SCN2A: variants seen among roughly 807,000 people sequenced by gnomAD.
SCN2A encodes sodium voltage-gated channel alpha subunit 2, also known as sodium channel protein type 2 subunit alpha.
SCN2A carries 20 observed loss-of-function variants against 188.7 expected under a neutral mutation model. That is an observed-to-expected ratio of 0.11 (90% CI 0.07 to 0.15). SCN2A has a LOEUF of 0.15. Ranked by LOEUF, SCN2A falls within the 10% of genes least tolerant of loss-of-function variation. The pLI is 1.00. For missense variants in SCN2A, 1,278 were observed against 2,445.0 expected (o/e 0.52, Z 10.07); for synonymous variants, 804 against 833.1 (o/e 0.97, Z 0.60).
intron 3 of SCN2A, among the ~76,000 whole-genome samples, chr2:165,303,745 C>G (rs1328198631): frequency 6.6e-6 from 1 of 152,002 alleles, no homozygotes; most frequent in Non-Finnish European, 1.5e-5. Context: ...AAAAACTTGA[C>G]CCTAGTTATC....
intron 19 of SCN2A, among the ~76,000 whole-genome samples, chr2:165,367,855 C>T (rs892635278): frequency 1.3e-5 from 2 of 152,134 alleles, no homozygotes; most frequent in Non-Finnish European, 2.9e-5. Context: ...TTGGGCACTG[C>T]AAGAGTGAAC....
chr2:165,346,115 G>A (rs1000814932), intron 16 of SCN2A, among the ~76,000 whole-genome samples: 1 of 152,088 alleles, frequency 6.6e-6, no homozygotes, highest in Non-Finnish European at 1.5e-5. Flanking sequence ...TGGGTAACCC[G>A]ACCTTTCTCT....
intron 1 of SCN2A, among the ~76,000 whole-genome samples, chr2:165,262,932 A>G (rs1694671189): frequency 6.6e-6 from 1 of 152,048 alleles, no homozygotes; most frequent in Non-Finnish European, 1.5e-5. Flanking sequence ...GATTGTATCA[A>G]TTGTTGCAGG....
intron 11 of SCN2A, among the ~76,000 whole-genome samples, chr2:165,320,632 T>A (rs750497377): frequency 4.6e-5 from 7 of 152,198 alleles, no homozygotes; most frequent in Non-Finnish European, 1.0e-4. Context: ...TTCTGTGCAC[T>A]GACAGGCTCA....
chr2:165,269,531 C>T (rs1311195683), intron 1 of SCN2A: 1 of 151,988 alleles, frequency 6.6e-6, no homozygotes, highest in East Asian at 1.9e-4. Flanking sequence ...TCCTATCCTA[C>T]ATTTTATTGT....
chr2:165,244,803 T>C lies in SCN2A; in HGVS notation c.-52+5163T>C, dbSNP rs1168555421. 2.0e-5 allele frequency among the ~76,000 whole-genome samples: 3 copies of C among 152,194 alleles called. No individual in the cohort carries two copies. In the East Asian group the frequency reaches 5.8e-4, roughly 29 times the overall value. On this transcript the variant is annotated intron_variant, in intron 1 of 26. Coordinates refer to ENST00000375437, the MANE Select transcript of SCN2A (RefSeq NM_001040142.2). ...TCTAGGATTAGTTGGGAGTATAATA[T>C]GCTTTGAACATGAACATGTCTTGGT...
rs77580177 is a variant in SCN2A at position 165,375,117 on chromosome 2, C to A, written c.4254+151C>A. The A allele has an allele frequency of 9.8e-4, 706 of 719,072 alleles. 10 individuals carry two copies. The African/African-American group carries it at 0.011, about 12-fold the overall frequency. 44.5% of individuals were successfully genotyped at this position (719,072 alleles called of 1,614,324 possible). A position where few individuals can be genotyped will look rare whatever the true frequency, so the allele number is the denominator to read the frequency against. On this transcript the variant is annotated intron_variant, in intron 22 of 26. Coordinates refer to ENST00000375437, the MANE Select transcript of SCN2A (RefSeq NM_001040142.2). The stretch of plus-strand genomic sequence containing the variant: ...TGGCAAGAATGTGAAGAAAAGGGAA[C>A]CCTTGTACATTGTTGGCAGGGATGT...
At chr2:165,325,137 A>T (rs1698282391) in intron 12 of SCN2A, among the ~76,000 whole-genome samples, 1 of 152,178 alleles carries the variant, frequency 6.6e-6, no homozygotes, top group African/African-American at 2.4e-5. Context: ...AACAAAAGCA[A>T]ATCTACAATT....
intron 19 of SCN2A, among the ~76,000 whole-genome samples, chr2:165,369,868 G>A (rs1700934968): frequency 6.6e-6 from 1 of 152,116 alleles, no homozygotes; most frequent in Admixed American, 6.5e-5. Flanking sequence ...GCAGCTGGCA[G>A]TCTCTCAAAA....
At chr2:165,339,369 T>C (rs1489674592) in intron 14 of SCN2A, among the ~76,000 whole-genome samples, 1 of 152,086 alleles carries the variant, frequency 6.6e-6, no homozygotes, top group Non-Finnish European at 1.5e-5. Context: ...ATTTTTACCA[T>C]TTTTATTTGA....
chr2:165,308,529 C>A, intron 4 of SCN2A, 137 bp from the exon 5 acceptor site: 1 of 743,736 alleles, frequency 1.3e-6, no homozygotes, highest in Non-Finnish European at 2.3e-6. Context: ...TTGACTTAAG[C>A]CCCACCTAAA....
rs116467650 is a variant in SCN2A, at chr2:165,330,960, G to C, written c.2150-370G>C. The stretch of plus-strand genomic sequence containing the variant: ...GATTAAGGTTCTTAGGACATCTCCT[G>C]AGATATCTCTGATAACATATATACT... On this transcript the variant is annotated intron_variant, in intron 13 of 26. Transcript: ENST00000375437. Among the ~76,000 whole-genome samples, 678 of 152,252 alleles carry C rather than the reference G, an allele frequency of 4.5e-3. 3 individuals carry two copies. Among genetic ancestry groups the C allele is most frequent in the African/African-American group, 0.016 (646 of 41,570 alleles).
At chr2:165,312,578 C>G (rs982588869) in intron 8 of SCN2A, among the ~76,000 whole-genome samples, 4 of 152,046 alleles carry the variant, frequency 2.6e-5, no homozygotes, top group African/African-American at 9.7e-5. Flanking sequence ...CTCATTTCTT[C>G]TTGCCTTCGT....
chr2:165,277,120 T>A (rs1409289056), intron 1 of SCN2A, among the ~76,000 whole-genome samples: 1 of 152,188 alleles, frequency 6.6e-6, no homozygotes, highest in Non-Finnish European at 1.5e-5. Context: ...GATAATGTAA[T>A]GCCTGGTGTT....
intron 1 of SCN2A, among the ~76,000 whole-genome samples, chr2:165,292,326 C>T (rs2106142730): frequency 6.6e-6 from 1 of 152,250 alleles, no homozygotes; most frequent in Middle Eastern, 3.4e-3. Context: ...TTCTTCTTTT[C>T]TCCAAATCCT....
At chr2:165,290,369 T>A (rs1486630686) in intron 1 of SCN2A, among the ~76,000 whole-genome samples, 1 of 152,178 alleles carries the variant, frequency 6.6e-6, no homozygotes, top group Non-Finnish European at 1.5e-5. Context: ...TTCCCCAGCC[T>A]CTAGTATCCT....
At chr2:165,330,336 GT>G (rs1698610719) in intron 13 of SCN2A, among the ~76,000 whole-genome samples, 1 of 152,178 alleles carries the variant, frequency 6.6e-6, no homozygotes, top group South Asian at 2.1e-4. Flanking sequence ...CCACTCATAA[GT>G]TGATGAAGAG....
chr2:165,245,612 C>T (rs934110083), intron 1 of SCN2A, among the ~76,000 whole-genome samples: 1 of 152,166 alleles, frequency 6.6e-6, no homozygotes, highest in South Asian at 2.1e-4. Context: ...CTTAGACCTA[C>T]ACTTACTATT....
chr2:165,320,534 C>G (rs1044366266), intron 11 of SCN2A, among the ~76,000 whole-genome samples: 1 of 152,182 alleles, frequency 6.6e-6, no homozygotes, highest in South Asian at 2.1e-4. Context: ...AGAGCCCTGC[C>G]CCTGCAGCAA....
Sources: gnomAD v4.1 joint callset for allele counts (sites outside exome capture counted in the v4.1 genomes callset) on GRCh38, gnomAD v4.1.1 for gene constraint, MANE v1.5 for transcripts, NCBI Gene and HGNC (gene_info 2026-07-23, HGNC 2026-07-21) for gene names.